Variants in CYP4F22 observed in about 807,000 individuals in gnomAD.
CYP4F22 encodes the protein cytochrome P450 family 4 subfamily F member 22.
A neutral mutation model predicts 60.4 loss-of-function variants in CYP4F22; 37 were observed. The ratio of observed to expected loss-of-function variants is 0.61; its 90% confidence interval spans 0.47 to 0.81. The LOEUF is 0.81. CYP4F22 is among the 30% of genes least tolerant of loss of function. The pLI is 0.00. For synonymous variants in CYP4F22, 258 were observed against 280.5 expected (o/e 0.92, Z 0.80); for missense variants, 655 against 715.0 (o/e 0.92, Z 0.96).
chr19:15,520,988 C>T (rs1192402872), intron 1 of CYP4F22, among the ~76,000 whole-genome samples: 4 of 151,728 alleles, frequency 2.6e-5, no homozygotes, highest in African/African-American at 4.8e-5. Context: ...AGCATGGTTT[C>T]GATTTCCTGA....
At chr19:15,511,999 T>A (rs1599784621) in intron 1 of CYP4F22, among the ~76,000 whole-genome samples, 1 of 152,062 alleles carries the variant, frequency 6.6e-6, no homozygotes, top group African/African-American at 2.4e-5. Context: ...CGGGGGCCGG[T>A]GTAGATAGGG....
Position 15,544,183 on chromosome 19 carries a change from T to G in CYP4F22, c.1040T>G (p.Met347Arg). ...ACAACATCCAGTGGGATCTCTTGGA[T>G]GCTGTTCAATTTGGCAAAGTATCCG... ...HDTTSSGISW[M>R]LFNLAKYPEY... is the part of the protein sequence containing the mutation. The change falls in exon 10 of 14, where the codon ATG becomes AGG. Residue 347 changes from methionine (M) to arginine (R), a missense_variant. Around this residue, in one of 3 missense-constraint regions of CYP4F22, gnomAD observed 74 missense variants for 118.4 expected, o/e 0.62. Transcript: ENST00000269703. 6.2e-7 allele frequency: 1 copy of G among 1,614,160 alleles called. No homozygotes were observed. The highest frequency in any genetic ancestry group is 1.3e-5 in the African/African-American group (1 of 75,026).
intron 10 of CYP4F22, among the ~76,000 whole-genome samples, chr19:15,546,150 A>AT (rs908111541): frequency 9.9e-5 from 15 of 152,048 alleles, no homozygotes; most frequent in African/African-American, 1.9e-4. Context: ...AATTTTTAAC[A>AT]TTTTTTTAAG....
At position 15,525,427 on chromosome 19, in the gene CYP4F22, C is replaced by T. The variant is rs1283435576; in HGVS notation, c.91C>T (p.Leu31=). Residue 31 remains leucine (L), a synonymous_variant, in exon 3 of 14, where the codon CTG becomes TTG. Coordinates refer to ENST00000269703, the MANE Select transcript of CYP4F22 (RefSeq NM_173483.4). ...CGCGGTGTCCACCCTTCTCCTCTTC[C>T]TGCTCTTCTTCCTGTTCCGCCTGCT... The part of the protein sequence containing the change: ...IYAVSTLLLF[L]LFFLFRLLLR... 3.7e-6 allele frequency: 6 copies of T among 1,614,214 alleles called. No homozygotes were observed. Among genetic ancestry groups the T allele is most frequent in the Non-Finnish European group, 5.1e-6 (6 of 1,180,052 alleles).
rs754169249 is a variant in CYP4F22 at position 15,525,324 on chromosome 19, G to C, written c.-1-12G>C. The C allele has an allele frequency of 2.5e-6, 4 of 1,612,338 alleles. No individual in the cohort carries two copies. In the South Asian group the frequency reaches 4.4e-5, roughly 18 times the overall value. On this transcript the variant is annotated splice_polypyrimidine_tract_variant and intron_variant, in intron 2 of 13. Coordinates refer to ENST00000269703, the MANE Select transcript of CYP4F22 (RefSeq NM_173483.4). ...TGCATGGCACCGACCCCCTGACCCT[G>C]TGTGTCCCCAGGATGCTGCCCATCA...
At chr19:15,542,172 G>A (rs982711659) in intron 8 of CYP4F22, among the ~76,000 whole-genome samples, 1 of 152,136 alleles carries the variant, frequency 6.6e-6, no homozygotes, top group Non-Finnish European at 1.5e-5. Flanking sequence ...TCTCCTCACT[G>A]TTGACTTTCT....
intron 1 of CYP4F22, among the ~76,000 whole-genome samples, chr19:15,509,572 A>G (rs1971058878): frequency 6.6e-6 from 1 of 151,980 alleles, no homozygotes; most frequent in Non-Finnish European, 1.5e-5. Context: ...AATCTTCCCT[A>G]CCACCCTCAT....
In CYP4F22 at chr19:15,544,258, G is replaced by GGGAGCTGGA; in HGVS notation, c.1126_1134dup (p.Glu376_Glu378dup). 6.2e-7 allele frequency: 1 copy of GGGAGCTGGA among 1,613,952 alleles called. No individual in the cohort carries two copies. The highest frequency in any genetic ancestry group is 2.2e-5 in the East Asian group (1 of 44,860). On this transcript the variant is annotated inframe_insertion, in exon 10 of 14. Transcript: ENST00000269703. Reference sequence around the variant, plus strand: ...GAGATTCAGGAAGTCATGAAAGGCCGGGAGCTGGAGGAGCTGGAGTGGTGA... The same window carrying GGGAGCTGGA: ...GAGATTCAGGAAGTCATGAAAGGCCGGGAGCTGGAGGAGCTGGAGGAGCTGGAGTGGTGA...
chr19:15,522,077 G>A (rs758555634), intron 1 of CYP4F22, among the ~76,000 whole-genome samples: 30 of 151,394 alleles, frequency 2.0e-4, no homozygotes, highest in Non-Finnish European at 4.0e-4. Flanking sequence ...CCCAGGAGGC[G>A]GAGGTTGCAG....
chr19:15,540,818 C>T, intron 8 of CYP4F22, 101 bp downstream of exon 8: 3 of 1,463,112 alleles, frequency 2.1e-6, no homozygotes, highest in Non-Finnish European at 2.8e-6. Flanking sequence ...GGCGTGGTGG[C>T]TCACACGTGT....
chr19:15,544,506 A>T (rs1327929857), intron 10 of CYP4F22, among the ~76,000 whole-genome samples: 1 of 152,248 alleles, frequency 6.6e-6, no homozygotes, highest in East Asian at 1.9e-4. Flanking sequence ...ATGATGCTGC[A>T]TAATGAACAG....
At chr19:15,513,990 C>T (rs764379767) in intron 1 of CYP4F22, among the ~76,000 whole-genome samples, 6 of 152,106 alleles carry the variant, frequency 3.9e-5, no homozygotes, top group Non-Finnish European at 8.8e-5. Flanking sequence ...AAAGCTAAGT[C>T]CTCAAGAGCC....
chr19:15,514,329 T>C (rs1971128935), intron 1 of CYP4F22, among the ~76,000 whole-genome samples: 1 of 152,204 alleles, frequency 6.6e-6, no homozygotes, highest in South Asian at 2.1e-4. Flanking sequence ...ATAAAGTCAG[T>C]CTCAGAAAAG....
chr19:15,545,207 T>C (rs1356868469), intron 10 of CYP4F22, among the ~76,000 whole-genome samples: 1 of 151,788 alleles, frequency 6.6e-6, no homozygotes, highest in Non-Finnish European at 1.5e-5. Flanking sequence ...TATACTCCAC[T>C]CACCTGAGCA....
intron 5 of CYP4F22, 23 bp from the exon 6 acceptor site, chr19:15,537,512 T>C (rs765096948): frequency 1.2e-6 from 2 of 1,614,136 alleles, no homozygotes; most frequent in Non-Finnish European, 1.7e-6. Flanking sequence ...GAGAGGTCCC[T>C]AACCTCAGTC....
chr19:15,530,636 A>G (rs2144519507), intron 4 of CYP4F22, among the ~76,000 whole-genome samples: 1 of 152,204 alleles, frequency 6.6e-6, no homozygotes. Context: ...AGGCCTCAGA[A>G]AACTTACAAT....
At chr19:15,542,858 T>C (rs569022307) in intron 8 of CYP4F22, among the ~76,000 whole-genome samples, 456 of 152,296 alleles carry the variant, frequency 3.0e-3, no homozygotes, top group Non-Finnish European at 3.9e-3. Flanking sequence ...TCCAGCTCCA[T>C]TCAGGTCCCT....
intron 7 of CYP4F22, among the ~76,000 whole-genome samples, chr19:15,539,611 A>G (rs1026891492): frequency 6.6e-6 from 1 of 152,200 alleles, no homozygotes; most frequent in Non-Finnish European, 1.5e-5. Context: ...GAACTGCTAA[A>G]CTTTATTTCA....
chr19:15,551,894 C>T lies in CYP4F22; in HGVS notation c.*423C>T, dbSNP rs1188283125. The T allele has an allele frequency of 6.4e-6, 1 of 155,718 alleles. No homozygotes were observed. The highest frequency in any genetic ancestry group is 1.3e-5 in the Non-Finnish European group (1 of 75,216). The allele number at this position is 155,718 out of a possible 1,614,324, so 9.6% of individuals were successfully genotyped here. On this transcript the variant is annotated 3_prime_UTR_variant, in exon 14 of 14. Coordinates refer to ENST00000269703, the MANE Select transcript of CYP4F22 (RefSeq NM_173483.4). The stretch of plus-strand genomic sequence containing the variant: ...ATGACTCAGGGCCCACCACACCCCA[C>T]CCCCCCCCAACTGGCTGAACCCCTG...
Sources: gnomAD v4.1 joint callset for allele counts (sites outside exome capture counted in the v4.1 genomes callset) on GRCh38, gnomAD v4.1.1 for gene constraint, gnomAD v4.1.1 regional missense constraint, MANE v1.5 for transcripts, NCBI Gene and HGNC (gene_info 2026-07-23, HGNC 2026-07-21) for gene names.